KIT: variants seen among roughly 807,000 people sequenced by gnomAD.
KIT encodes the protein mast/stem cell growth factor receptor Kit.
KIT carries 16 observed loss-of-function variants against 105.7 expected under a neutral mutation model. The observed-to-expected ratio is 0.15, with a 90% confidence interval of 0.10 to 0.23. KIT has a LOEUF of 0.23. KIT is among the 10% of genes least tolerant of loss of function. KIT has a pLI of 1.00. For missense variants in KIT, 858 were observed against 1,213.8 expected, an observed-to-expected ratio of 0.71 and a Z score of 4.36; for synonymous variants, 438 against 441.1, an observed-to-expected ratio of 0.99 and a Z score of 0.09.
intron 1 of KIT, among the ~76,000 whole-genome samples, chr4:54,663,807 A>T (rs559198302): frequency 6.6e-6 from 1 of 152,306 alleles, no homozygotes; most frequent in East Asian, 1.9e-4. Context: ...CCCAGGCTAG[A>T]CACAGCGGTT....
chr4:54,694,636 T>A (rs1327744851), intron 1 of KIT, among the ~76,000 whole-genome samples: 1 of 152,140 alleles, frequency 6.6e-6, no homozygotes, highest in Non-Finnish European at 1.5e-5. Flanking sequence ...CACCTCAGCC[T>A]CCCAGAGTGC....
intron 1 of KIT, among the ~76,000 whole-genome samples, chr4:54,663,104 A>C (rs2237033): frequency 0.21 from 31,780 of 151,962 alleles, 3,488 homozygotes; most frequent in East Asian, 0.31. Context: ...TGGTTATGAC[A>C]CACTTTTGTT....
In KIT at chr4:54,735,379, G is replaced by GA. The variant is rs772920655; in HGVS notation, c.2485-1106dup. Among the ~76,000 whole-genome samples the GA allele has an allele frequency of 5.9e-3, 521 of 87,730 alleles. 1 individual carries two copies. The highest frequency in any genetic ancestry group is 0.011 in the Middle Eastern group (2 of 188). 57.6% of individuals were successfully genotyped at this position (87,730 alleles called of 152,430 possible). On this transcript the variant is annotated intron_variant, in intron 17 of 20. Coordinates refer to ENST00000288135, the MANE Select transcript of KIT (RefSeq NM_000222.3). ...TAACTTTAACACCAAAAAAAAAAAA[G>GA]AAAAAAAAAAAAAGCTTTCCCAGTT...
chr4:54,681,265 C>G (rs982294635), intron 1 of KIT, among the ~76,000 whole-genome samples: 40 of 135,266 alleles, frequency 3.0e-4, no homozygotes, highest in Admixed American at 2.0e-3. Flanking sequence ...TACATATTTA[C>G]GGCAGCGGGG....
At chr4:54,674,820 C>G (rs1718350260) in intron 1 of KIT, among the ~76,000 whole-genome samples, 1 of 152,136 alleles carries the variant, frequency 6.6e-6, no homozygotes, top group Non-Finnish European at 1.5e-5. Context: ...CACTGCTGAG[C>G]TATTATTTCT....
At position 54,703,811 on chromosome 4, in the gene KIT, G is replaced by A. The variant is rs771961192; in HGVS notation, c.844G>A (p.Val282Ile). 9.3e-6 allele frequency: 15 copies of A among 1,613,872 alleles called. No homozygotes were observed. Among genetic ancestry groups the A allele is most frequent in the Admixed American group, 1.7e-5 (1 of 60,010 alleles). Reference sequence around the variant, plus strand: ...AACGTTGACTATCAGTTCAGCGAGAGTTAATGATTCTGGAGTGTTCATGTG... The same window carrying A: ...AACGTTGACTATCAGTTCAGCGAGAATTAATGATTCTGGAGTGTTCATGTG... ...QATLTISSAR[V>I]NDSGVFMCYA... Residue 282 changes from valine (V) to isoleucine (I), a missense_variant, in exon 5 of 21, where the codon GTT (valine) becomes ATT (isoleucine). By Grantham distance (29) the Val-to-Ile change is conservative. Transcript: ENST00000288135.
intron 1 of KIT, among the ~76,000 whole-genome samples, chr4:54,686,952 T>C (rs1006587554): frequency 6.6e-6 from 1 of 152,202 alleles, no homozygotes; most frequent in Non-Finnish European, 1.5e-5. Context: ...CGTCCAGGCA[T>C]ATTCTCAAAC....
intron 1 of KIT, among the ~76,000 whole-genome samples, chr4:54,684,958 A>G (rs537858861): frequency 2.0e-5 from 3 of 152,266 alleles, no homozygotes; most frequent in East Asian, 1.9e-4. Context: ...CTGCTCCCCA[A>G]CCTACTACCT....
At chr4:54,735,717 C>G (rs1722890031) in intron 17 of KIT, among the ~76,000 whole-genome samples, 1 of 152,056 alleles carries the variant, frequency 6.6e-6, no homozygotes, top group Admixed American at 6.5e-5. Context: ...GATACTGAGG[C>G]TTAATTACAA....
intron 20 of KIT, 55 bp downstream of exon 20, chr4:54,737,335 C>G: frequency 2.5e-6 from 3 of 1,177,420 alleles, no homozygotes; most frequent in Non-Finnish European, 3.8e-6. Flanking sequence ...CCAGGTGTGT[C>G]CTCCTCCTCA....
intron 17 of KIT, chr4:54,733,472 T>G (rs1722728988): frequency 2.8e-6 from 1 of 353,094 alleles, no homozygotes; most frequent in African/African-American, 2.1e-5. Flanking sequence ...AGAATAGCAA[T>G]GAACTTGATT....
intron 19 of KIT, 70 bp from the exon 20 acceptor site, chr4:54,737,105 T>C (rs1722963418): frequency 1.0e-6 from 1 of 975,174 alleles, no homozygotes; most frequent in Non-Finnish European, 1.7e-6. Flanking sequence ...CTGAAGTTGC[T>C]GGATGCCCAT....
chr4:54,658,896 C>A (rs575036683), intron 1 of KIT, among the ~76,000 whole-genome samples: 23 of 152,268 alleles, frequency 1.5e-4, no homozygotes, highest in Non-Finnish European at 1.8e-4. Context: ...TCATTCCTGC[C>A]GCGCGCCCCG....
intron 1 of KIT, among the ~76,000 whole-genome samples, chr4:54,693,635 C>G (rs1283762030): frequency 2.0e-5 from 3 of 152,174 alleles, no homozygotes; most frequent in Non-Finnish European, 4.4e-5. Context: ...CCTATCCTCA[C>G]CCATCCTGAA....
intron 14 of KIT, 47 bp from the exon 15 acceptor site, chr4:54,731,281 C>G (rs754129252): frequency 7.4e-7 from 1 of 1,349,132 alleles, no homozygotes; most frequent in Non-Finnish European, 1.1e-6. Flanking sequence ...GAGTGCCCTT[C>G]TACATGTCCC....
At chr4:54,714,134 TG>T (rs1283554354) in intron 7 of KIT, among the ~76,000 whole-genome samples, 1 of 152,226 alleles carries the variant, frequency 6.6e-6, no homozygotes, top group East Asian at 1.9e-4. Context: ...AGATCTGAAA[TG>T]TTTGATATCC....
intron 17 of KIT, among the ~76,000 whole-genome samples, chr4:54,735,379 GAAAA>G (rs772920655): frequency 1.4e-4 from 12 of 87,732 alleles, no homozygotes; most frequent in Non-Finnish European, 2.6e-4. Context: ...AAAAAAAAAA[GAAAA>G]AAAAAAAAAG....
rs1274571683 is a variant in KIT, at chr4:54,706,954, G to GA, written c.926-139dup. ...TGATTCTACAAGAGCAAAATAAAAT[G>GA]AAAAACAGCTAGTTAAAATTCTCTT... On this transcript the variant is annotated intron_variant, in intron 5 of 20. Coordinates refer to ENST00000288135, the MANE Select transcript of KIT (RefSeq NM_000222.3). The GA allele has an allele frequency of 5.1e-5, 31 of 606,196 alleles. No individual in the cohort carries two copies. In the Middle Eastern group the frequency reaches 1.3e-3, roughly 26 times the overall value. The allele number at this position is 606,196 out of a possible 1,614,324, so 37.6% of individuals were successfully genotyped here.
chr4:54,658,606 G>A (rs931584622), intron 1 of KIT, among the ~76,000 whole-genome samples: 17 of 152,170 alleles, frequency 1.1e-4, no homozygotes, highest in Non-Finnish European at 1.8e-4. Flanking sequence ...CCAACCGCAG[G>A]CGCTCTTTGT....
Sources: allele counts gnomAD v4.1 joint callset (sites outside exome capture counted in the v4.1 genomes callset), GRCh38; gene constraint gnomAD v4.1.1; transcripts MANE v1.5; gene names NCBI Gene and HGNC (gene_info 2026-07-23, HGNC 2026-07-21).